Variants in FOXP1 observed in about 807,000 individuals in gnomAD.
FOXP1 encodes forkhead box protein P1.
A neutral mutation model predicts 98.2 loss-of-function variants in FOXP1; 15 were observed. The observed-to-expected ratio is 0.15, with a 90% CI of 0.10 to 0.24. The LOEUF (loss-of-function observed/expected upper bound fraction) is 0.24, where lower values mean the gene tolerates loss of function less well. Ranked by LOEUF, FOXP1 falls within the 10% of genes least tolerant of loss-of-function variation. The pLI, the probability that FOXP1 is intolerant of heterozygous loss-of-function variation, is 1.00. For synonymous variants in FOXP1, 371 were observed against 314.5 expected (o/e 1.18, Z -1.90); for missense variants, 633 against 848.5 (o/e 0.75, Z 3.15).
intron 2 of FOXP1, among the ~76,000 whole-genome samples, chr3:71,515,685 A>C (rs868095019): frequency 6.6e-6 from 1 of 152,158 alleles, no homozygotes; most frequent in South Asian, 2.1e-4. Context: ...AGAAGAGAAA[A>C]AAAGTAACTC....
intron 5 of FOXP1, among the ~76,000 whole-genome samples, chr3:71,254,723 C>T (rs1035072758): frequency 4.6e-5 from 7 of 152,160 alleles, no homozygotes; most frequent in Admixed American, 2.0e-4. Context: ...CACATGTACA[C>T]TGGATTCCAA....
At chr3:71,506,482 C>G (rs2041832905) in intron 2 of FOXP1, among the ~76,000 whole-genome samples, 1 of 152,150 alleles carries the variant, frequency 6.6e-6, no homozygotes. Flanking sequence ...TTGCCAAATC[C>G]CCAGGTTTTC....
At chr3:71,213,849 C>T (rs2064701318) in intron 5 of FOXP1, among the ~76,000 whole-genome samples, 1 of 152,058 alleles carries the variant, frequency 6.6e-6, no homozygotes, top group Admixed American at 6.6e-5. Context: ...ATGCAACATA[C>T]ATATGTATAT....
chr3:71,566,746 G>A (rs1006454738), intron 2 of FOXP1, among the ~76,000 whole-genome samples: 1 of 152,124 alleles, frequency 6.6e-6, no homozygotes, highest in Admixed American at 6.5e-5. Flanking sequence ...GCCCTCCATT[G>A]ATTTTGAAAG....
chr3:71,033,094 G>T (rs2047090177), intron 11 of FOXP1, among the ~76,000 whole-genome samples: 1 of 152,204 alleles, frequency 6.6e-6, no homozygotes, highest in Non-Finnish European at 1.5e-5. Flanking sequence ...CACCCCTGGT[G>T]TGGAATAAAT....
rs114905454 is a variant in FOXP1, at chr3:71,475,039, C to G, written c.-168+18387G>C. On this transcript the variant is annotated intron_variant, in intron 3 of 20. Coordinates refer to ENST00000649528, the MANE Select transcript of FOXP1 (RefSeq NM_001349338.3). ...TCCGCTGTGTCAGGCAAGCTCAAGT[C>G]TGAAGTCATGATTTTCTCTTCTCCA... Among the ~76,000 whole-genome samples the G allele has an allele frequency of 4.6e-3, 699 of 152,172 alleles. 6 individuals carry two copies. Among genetic ancestry groups the G allele is most frequent in the African/African-American group, 0.016 (672 of 41,488 alleles).
intron 13 of FOXP1, among the ~76,000 whole-genome samples, chr3:70,992,888 T>C (rs1056946741): frequency 6.6e-6 from 1 of 152,118 alleles, no homozygotes; most frequent in Non-Finnish European, 1.5e-5. Flanking sequence ...GCACTGGCAA[T>C]ATGGAACTAC....
At chr3:71,203,691 G>C (rs1576365122) in intron 5 of FOXP1, among the ~76,000 whole-genome samples, 1 of 152,298 alleles carries the variant, frequency 6.6e-6, no homozygotes. Context: ...CCTTAAAGAA[G>C]TTGGTCTCTT....
In FOXP1 at chr3:71,085,205, C is replaced by T. The variant is rs866296360; in HGVS notation, c.282+27331G>A. Among the ~76,000 whole-genome samples, 5 of 152,146 alleles carry T rather than the reference C, an allele frequency of 3.3e-5. No homozygotes were observed. The South Asian group carries it at 6.2e-4, about 19-fold the overall frequency. ...TCCCCCAGGCTGGAGTACAGTGACA[C>T]AATCACAGCTCACTGCAACCTCAAC... On this transcript the variant is annotated intron_variant, in intron 7 of 20. Coordinates refer to ENST00000649528, the MANE Select transcript of FOXP1 (RefSeq NM_001349338.3).
At chr3:71,386,511 G>A (rs2108087994) in intron 3 of FOXP1, among the ~76,000 whole-genome samples, 1 of 152,230 alleles carries the variant, frequency 6.6e-6, no homozygotes, top group East Asian at 1.9e-4. Context: ...GGGAGGCCAA[G>A]GTGGGCAGAT....
intron 6 of FOXP1, among the ~76,000 whole-genome samples, chr3:71,172,572 T>C (rs1487921312): frequency 6.6e-6 from 1 of 152,122 alleles, no homozygotes; most frequent in East Asian, 1.9e-4. Context: ...ATTTTACAGA[T>C]GAAAAAACTG....
At chr3:71,088,232 C>A (rs568342233) in intron 7 of FOXP1, among the ~76,000 whole-genome samples, 3 of 152,200 alleles carry the variant, frequency 2.0e-5, no homozygotes, top group Non-Finnish European at 4.4e-5. Context: ...AAGACTCAGT[C>A]CCTCACTCAG....
intron 3 of FOXP1, among the ~76,000 whole-genome samples, chr3:71,432,904 T>A (rs766818595): frequency 3.3e-4 from 50 of 150,960 alleles, no homozygotes; most frequent in Non-Finnish European, 5.8e-4. Context: ...TGAGGAACTA[T>A]TCTTTGCAAT....
At chr3:71,410,046 C>CA (rs1295985801) in intron 3 of FOXP1, among the ~76,000 whole-genome samples, 2 of 151,960 alleles carry the variant, frequency 1.3e-5, no homozygotes, top group Non-Finnish European at 2.9e-5. Context: ...AACAAAACAA[C>CA]AAAAAAACAG....
chr3:71,328,340 G>A (rs1418482074), intron 4 of FOXP1, among the ~76,000 whole-genome samples: 3 of 152,200 alleles, frequency 2.0e-5, no homozygotes, highest in Non-Finnish European at 4.4e-5. Context: ...CCCAGCTGAA[G>A]AACTGTGCTC....
chr3:70,956,287 G>A lies in FOXP1; in HGVS notation c.*2960C>T, dbSNP rs2031762712. ...AAAGAAGCAACTGGGATAACCCCCA[G>A]GGGATACAGAATCAGAATTGTAAAA... is the stretch of plus-strand genomic sequence containing the variant. On this transcript the variant is annotated 3_prime_UTR_variant, in exon 21 of 21. Coordinates refer to ENST00000649528, the MANE Select transcript of FOXP1 (RefSeq NM_001349338.3). 4.3e-6 allele frequency: 1 copy of A among 233,384 alleles called. No homozygotes were observed. Among genetic ancestry groups the A allele is most frequent in the Non-Finnish European group, 8.5e-6 (1 of 117,970 alleles). 14.5% of individuals were successfully genotyped at this position (233,384 alleles called of 1,614,324 possible). A position where few individuals can be genotyped will look rare whatever the true frequency, so the allele number is the denominator to read the frequency against.
chr3:71,440,448 C>T (rs578034932), intron 3 of FOXP1, among the ~76,000 whole-genome samples: 4 of 151,924 alleles, frequency 2.6e-5, no homozygotes, highest in South Asian at 2.1e-4. Context: ...GAAGCTGAGG[C>T]GGGCAGATCA....
At chr3:71,486,343 C>T (rs928535802) in intron 3 of FOXP1, among the ~76,000 whole-genome samples, 13 of 152,058 alleles carry the variant, frequency 8.5e-5, no homozygotes, top group East Asian at 1.9e-4. Context: ...AAAATCTGAT[C>T]GAATACAGAA....
chr3:71,067,258 G>A (rs2052628104), intron 7 of FOXP1, among the ~76,000 whole-genome samples: 1 of 152,202 alleles, frequency 6.6e-6, no homozygotes, highest in South Asian at 2.1e-4. Context: ...GATAAACCTG[G>A]ATAAACTACA....
Sources: gnomAD v4.1 joint callset for allele counts (sites outside exome capture counted in the v4.1 genomes callset) on GRCh38, gnomAD v4.1.1 for gene constraint, MANE v1.5 for transcripts, NCBI Gene and HGNC (gene_info 2026-07-23, HGNC 2026-07-21) for gene names.